Variants in ARHGAP15 observed in about 807,000 individuals in gnomAD.
ARHGAP15 encodes rho GTPase-activating protein 15.
ARHGAP15 carries 51 observed loss-of-function variants against 63.7 expected under a neutral mutation model. The observed-to-expected ratio is 0.80, with a 90% confidence interval of 0.64 to 1.01. The LOEUF (loss-of-function observed/expected upper bound fraction) is 1.01. ARHGAP15 is among the 50% of genes least tolerant of loss of function. ARHGAP15 has a pLI of 0.00. For missense variants in ARHGAP15, 560 were observed against 564.6 expected (o/e 0.99, Z 0.08); for synonymous variants, 191 against 193.8 (o/e 0.99, Z 0.12).
At chr2:143,149,517 A>G (rs549086252) in intron 1 of ARHGAP15, among the ~76,000 whole-genome samples, 1 of 152,128 alleles carries the variant, frequency 6.6e-6, no homozygotes, top group East Asian at 1.9e-4. Context: ...AAATTCTAAG[A>G]TTGTGATAAA....
intron 11 of ARHGAP15, among the ~76,000 whole-genome samples, chr2:143,617,773 T>G (rs969417542): frequency 3.9e-5 from 6 of 152,222 alleles, no homozygotes; most frequent in African/African-American, 1.4e-4. Flanking sequence ...CAAAATAATA[T>G]GATTCTAGGG....
chr2:143,537,267 T>C (rs1186627588), intron 10 of ARHGAP15, among the ~76,000 whole-genome samples: 1 of 152,198 alleles, frequency 6.6e-6, no homozygotes, highest in Admixed American at 6.5e-5. Flanking sequence ...CATTGTAGAT[T>C]CTGGATATTA....
chr2:143,704,974 C>T (rs1684260439), intron 13 of ARHGAP15, among the ~76,000 whole-genome samples: 1 of 152,160 alleles, frequency 6.6e-6, no homozygotes. Flanking sequence ...ATGTATCCTT[C>T]CTGACCTGTT....
chr2:143,420,433 T>G (rs1574423674), intron 6 of ARHGAP15, among the ~76,000 whole-genome samples: 1 of 152,296 alleles, frequency 6.6e-6, no homozygotes, highest in South Asian at 2.1e-4. Flanking sequence ...CAGCTCTGTT[T>G]CATAGGCCTT....
chr2:143,713,908 A>G (rs1024753921), intron 13 of ARHGAP15, among the ~76,000 whole-genome samples: 3 of 152,174 alleles, frequency 2.0e-5, no homozygotes, highest in Non-Finnish European at 4.4e-5. Flanking sequence ...GGCTGCTTTC[A>G]TAGGCTGGCA....
At chr2:143,267,967 TAGAA>T (rs1291323067) in intron 6 of ARHGAP15, among the ~76,000 whole-genome samples, 1 of 152,084 alleles carries the variant, frequency 6.6e-6, no homozygotes. Flanking sequence ...AATTGCTCAA[TAGAA>T]AGAAAACCCC....
chr2:143,335,413 C>T (rs987078848), intron 6 of ARHGAP15, among the ~76,000 whole-genome samples: 1 of 152,080 alleles, frequency 6.6e-6, no homozygotes, highest in Non-Finnish European at 1.5e-5. Context: ...TGAGTCAGAG[C>T]GGCTGATTAG....
chr2:143,129,782 G>A (rs1246069147), intron 1 of ARHGAP15, among the ~76,000 whole-genome samples: 1 of 152,126 alleles, frequency 6.6e-6, no homozygotes, highest in Non-Finnish European at 1.5e-5. Flanking sequence ...TAGAAATAAT[G>A]TGAGACTTTG....
intron 8 of ARHGAP15, among the ~76,000 whole-genome samples, chr2:143,466,682 G>A (rs1691228475): frequency 1.3e-5 from 2 of 152,010 alleles, no homozygotes; most frequent in Admixed American, 1.3e-4. Flanking sequence ...GTTTTCATCT[G>A]TGCAGACACC....
At chr2:143,558,125 A>AG (rs985843846) in intron 11 of ARHGAP15, among the ~76,000 whole-genome samples, 1 of 152,128 alleles carries the variant, frequency 6.6e-6, no homozygotes, top group African/African-American at 2.4e-5. Context: ...CTTGTACTCT[A>AG]GCTTCCCACT....
intron 6 of ARHGAP15, among the ~76,000 whole-genome samples, chr2:143,267,522 G>A (rs935681763): frequency 2.6e-5 from 4 of 152,154 alleles, no homozygotes; most frequent in African/African-American, 9.7e-5. Flanking sequence ...AATTATAGGA[G>A]CTGAAGGTCA....
intron 6 of ARHGAP15, among the ~76,000 whole-genome samples, chr2:143,288,555 T>G (rs1305280949): frequency 6.6e-6 from 1 of 152,138 alleles, no homozygotes. Flanking sequence ...GTTATTTTTC[T>G]GTGCTGTGTA....
rs1195913057 is a variant in ARHGAP15 at position 143,413,183 on chromosome 2, G to A, written c.475-22418G>A. 2.0e-5 allele frequency among the ~76,000 whole-genome samples: 3 copies of A among 152,176 alleles called. No homozygotes were observed. The East Asian group carries it at 5.8e-4, about 29-fold the overall frequency. On this transcript the variant is annotated intron_variant, in intron 6 of 13. Coordinates refer to ENST00000295095, the MANE Select transcript of ARHGAP15 (RefSeq NM_018460.4). ...ACAGAGATAATTTAAGAATCTGGAG[G>A]ATGATATTTTATTCCAGAAAGAATG... is the stretch of plus-strand genomic sequence containing the variant.
rs528715080 is a variant in ARHGAP15 at position 143,468,096 on chromosome 2, C to T, written c.704-19277C>T. The stretch of plus-strand genomic sequence containing the variant: ...GGGTGCCTTGTTTGATTGTGTATTA[C>T]TTCATAGCATCAATTACTGTATAGT... On this transcript the variant is annotated intron_variant, in intron 8 of 13. Transcript: ENST00000295095. Among the ~76,000 whole-genome samples the T allele has an allele frequency of 2.6e-5, 4 of 152,126 alleles. No individual in the cohort carries two copies. The South Asian group carries it at 6.2e-4, about 24-fold the overall frequency.
chr2:143,466,992 TA>T (rs1436312131), intron 8 of ARHGAP15, among the ~76,000 whole-genome samples: 1 of 152,076 alleles, frequency 6.6e-6, no homozygotes, highest in Non-Finnish European at 1.5e-5. Context: ...TTACAAGCAT[TA>T]AAAGGAAAAA....
At chr2:143,313,056 G>A (rs1015836275) in intron 6 of ARHGAP15, among the ~76,000 whole-genome samples, 1 of 151,986 alleles carries the variant, frequency 6.6e-6, no homozygotes, top group East Asian at 1.9e-4. Flanking sequence ...TTAAATGGCA[G>A]GAAAAGAGTA....
Position 143,399,091 on chromosome 2 carries a change from G to T in ARHGAP15, c.475-36510G>T, listed in dbSNP as rs148713434. Among the ~76,000 whole-genome samples, 12 of 152,070 alleles carry T rather than the reference G, an allele frequency of 7.9e-5. No homozygotes were observed. In the East Asian group the frequency reaches 2.1e-3, roughly 27 times the overall value. On this transcript the variant is annotated intron_variant, in intron 6 of 13. Transcript: ENST00000295095. ...GTAGAATAACAGGTGCAAAAAAAAT[G>T]CAAACCACTTATAAAAAGTTGATCT... is the stretch of plus-strand genomic sequence containing the variant.
chr2:143,188,613 C>CATT (rs143767405), intron 2 of ARHGAP15, among the ~76,000 whole-genome samples: 19,749 of 140,646 alleles, frequency 0.14, 1,396 homozygotes, highest in Middle Eastern at 0.3. Context: ...ATTATTTTGT[C>CATT]ATTATTATTA....
At chr2:143,305,739 A>G (rs527651335) in intron 6 of ARHGAP15, among the ~76,000 whole-genome samples, 37 of 152,114 alleles carry the variant, frequency 2.4e-4, no homozygotes, top group Non-Finnish European at 5.0e-4. Context: ...TTAACTGTCA[A>G]TGAACTCTTT....
Sources: allele counts gnomAD v4.1 joint callset (sites outside exome capture counted in the v4.1 genomes callset), GRCh38; gene constraint gnomAD v4.1.1; transcripts MANE v1.5; gene names NCBI Gene and HGNC (gene_info 2026-07-23, HGNC 2026-07-21).